GRM8: variants seen among roughly 807,000 people sequenced by gnomAD.
GRM8 encodes the protein metabotropic glutamate receptor 8.
Under a neutral mutation model 87.2 loss-of-function variants are expected in GRM8, and 47 were observed. The observed-to-expected ratio is 0.54, with a 90% CI of 0.43 to 0.69. The LOEUF is 0.69. Ranked by LOEUF, GRM8 falls within the 30% of genes least tolerant of loss-of-function variation. The pLI, the probability that GRM8 is intolerant of heterozygous loss-of-function variation, is 0.00. For missense variants in GRM8, 1,019 were observed against 1,139.2 expected (o/e 0.89, Z 1.52); for synonymous variants, 396 against 404.5 (o/e 0.98, Z 0.25).
intron 7 of GRM8, among the ~76,000 whole-genome samples, chr7:126,658,103 A>G (rs1297776243): frequency 2.0e-5 from 3 of 152,244 alleles, no homozygotes; most frequent in Non-Finnish European, 4.4e-5. Context: ...TCAAAAGGGG[A>G]AACAGGAAAA....
chr7:126,974,540 G>C (rs948558320), intron 3 of GRM8, among the ~76,000 whole-genome samples: 17 of 151,994 alleles, frequency 1.1e-4, no homozygotes, highest in African/African-American at 4.1e-4. Flanking sequence ...GAAAATATGG[G>C]GAAAAAAGTA....
intron 7 of GRM8, among the ~76,000 whole-genome samples, chr7:126,647,654 A>G (rs950075872): frequency 6.6e-6 from 1 of 152,140 alleles, no homozygotes; most frequent in Non-Finnish European, 1.5e-5. Flanking sequence ...AGTTGCTTAC[A>G]TGAAGAATCT....
At chr7:127,245,544 T>C (rs2116895376) in intron 1 of GRM8, among the ~76,000 whole-genome samples, 1 of 152,362 alleles carries the variant, frequency 6.6e-6, no homozygotes, top group Non-Finnish European at 1.5e-5. Context: ...CTAGTTCCAC[T>C]TGCTGTACAG....
At chr7:127,106,905 C>T (rs1825862433) in intron 2 of GRM8, among the ~76,000 whole-genome samples, 193 bp from the exon 3 acceptor site, 1 of 152,168 alleles carries the variant, frequency 6.6e-6, no homozygotes, top group Non-Finnish European at 1.5e-5. Context: ...TCTCTCAATG[C>T]ACAATATTTC....
chr7:126,707,024 C>A (rs915603976), intron 7 of GRM8, among the ~76,000 whole-genome samples: 2 of 152,088 alleles, frequency 1.3e-5, no homozygotes, highest in Admixed American at 1.3e-4. Context: ...ATATTCCTGG[C>A]TGGGTATCGC....
At chr7:127,107,486 G>A (rs1181182871) in intron 2 of GRM8, among the ~76,000 whole-genome samples, 1 of 152,222 alleles carries the variant, frequency 6.6e-6, no homozygotes, top group East Asian at 1.9e-4. Flanking sequence ...CTATGTGATT[G>A]TGTATAGTAA....
chr7:127,090,383 C>T (rs1235226157), intron 3 of GRM8, among the ~76,000 whole-genome samples: 3 of 152,156 alleles, frequency 2.0e-5, no homozygotes, highest in African/African-American at 4.8e-5. Context: ...ATAGCAGAAG[C>T]TTTAGACCTT....
At chr7:126,476,094 A>C (rs2150574577) in intron 9 of GRM8, among the ~76,000 whole-genome samples, 1 of 152,234 alleles carries the variant, frequency 6.6e-6, no homozygotes, top group Admixed American at 6.5e-5. Flanking sequence ...CAAAAATAAA[A>C]ATAAACAAAC....
At chr7:126,525,824 G>T (rs1302692854) in intron 9 of GRM8, among the ~76,000 whole-genome samples, 1 of 151,808 alleles carries the variant, frequency 6.6e-6, no homozygotes, top group Non-Finnish European at 1.5e-5. Flanking sequence ...TGTTACCTTA[G>T]ATGGAGGACA....
At chr7:127,058,246 T>TA (rs1339853565) in intron 3 of GRM8, 1 of 435,092 alleles carries the variant, frequency 2.3e-6, no homozygotes, top group Non-Finnish European at 4.6e-6. Flanking sequence ...AAGAGAGCTT[T>TA]AAAGTTTCTC....
chr7:126,467,425 T>C (rs895130001), intron 9 of GRM8, among the ~76,000 whole-genome samples: 2 of 152,076 alleles, frequency 1.3e-5, no homozygotes, highest in Non-Finnish European at 2.9e-5. Context: ...AGAACAGATA[T>C]CGAAGGCTTC....
chr7:126,693,709 C>T (rs1404282341), intron 7 of GRM8, among the ~76,000 whole-genome samples: 2 of 152,014 alleles, frequency 1.3e-5, no homozygotes, highest in South Asian at 2.1e-4. Flanking sequence ...AATATTTTGC[C>T]GAATTATTTT....
intron 7 of GRM8, among the ~76,000 whole-genome samples, chr7:126,721,014 A>T (rs1311711805): frequency 6.6e-6 from 1 of 152,136 alleles, no homozygotes; most frequent in Non-Finnish European, 1.5e-5. Context: ...ACAACATAAA[A>T]TGTTTTCTGC....
At chr7:126,741,676 A>T (rs537426160) in intron 7 of GRM8, among the ~76,000 whole-genome samples, 12 of 152,120 alleles carry the variant, frequency 7.9e-5, no homozygotes, top group Non-Finnish European at 1.5e-4. Flanking sequence ...TAGCTTTGTT[A>T]TTTACGATAG....
intron 7 of GRM8, among the ~76,000 whole-genome samples, chr7:126,728,961 TCA>T (rs1216831283): frequency 1.3e-5 from 2 of 152,198 alleles, no homozygotes; most frequent in Non-Finnish European, 2.9e-5. Flanking sequence ...AGGTCTCTGT[TCA>T]CACAGGACCT....
At chr7:126,898,985 T>G (rs1801806752) in intron 6 of GRM8, among the ~76,000 whole-genome samples, 1 of 151,608 alleles carries the variant, frequency 6.6e-6, no homozygotes, top group African/African-American at 2.4e-5. Context: ...TGTGTCCATA[T>G]GTTCTCATTG....
At chr7:126,516,376 A>C (rs916346564) in intron 9 of GRM8, among the ~76,000 whole-genome samples, 1 of 152,110 alleles carries the variant, frequency 6.6e-6, no homozygotes, top group African/African-American at 2.4e-5. Context: ...CTGAAAAAGA[A>C]TTTGTGGGAT....
chr7:126,840,634 C>A (rs1207214798), intron 6 of GRM8, among the ~76,000 whole-genome samples: 1 of 151,918 alleles, frequency 6.6e-6, no homozygotes, highest in Non-Finnish European at 1.5e-5. Context: ...TTTTATTGTG[C>A]AAACTTTCCC....
Position 126,663,491 on chromosome 7 carries a change from T to C in GRM8, c.1358-53993A>G, listed in dbSNP as rs1030123853. On this transcript the variant is annotated intron_variant, in intron 7 of 10. Transcript: ENST00000339582. ...CAAGATGCAAGCCTGGTTCAACATA[T>C]GCAAATCAATAAATGCGATTCACCA... Among the ~76,000 whole-genome samples the C allele has an allele frequency of 2.6e-5, 4 of 152,320 alleles. No individual in the cohort carries two copies. In the East Asian group the frequency reaches 5.8e-4, roughly 22 times the overall value.
Sources: allele counts gnomAD v4.1 joint callset (sites outside exome capture counted in the v4.1 genomes callset), GRCh38; gene constraint gnomAD v4.1.1; transcripts MANE v1.5; gene names NCBI Gene and HGNC (gene_info 2026-07-23, HGNC 2026-07-21).